The following ATP1A4 variants were observed in gnomAD, a reference collection of about 807,000 sequenced individuals.
ATP1A4 encodes sodium/potassium-transporting ATPase subunit alpha-4.
Under a neutral mutation model 114.3 loss-of-function variants are expected in ATP1A4, and 90 were observed. The observed-to-expected ratio is 0.79, with a 90% CI of 0.66 to 0.94. ATP1A4 has a LOEUF of 0.94. Among genes scored for constraint, ATP1A4 ranks in the 40% least tolerant of loss-of-function variants. The probability of loss-of-function intolerance (pLI) is 0.00; values close to 1 mark genes in which losing one functional copy is unlikely to be tolerated. For synonymous variants in ATP1A4, 511 were observed against 494.1 expected, an observed-to-expected ratio of 1.03 and a Z score of -0.45; for missense variants, 1,222 against 1,313.6, an observed-to-expected ratio of 0.93 and a Z score of 1.08.
chr1:160,173,433 T>A, intron 12 of ATP1A4, 148 bp from the exon 13 acceptor site: 1 of 1,090,568 alleles, frequency 9.2e-7, no homozygotes, highest in Non-Finnish European at 1.3e-6. Flanking sequence ...AGTAGCATGG[T>A]TTTTGGTCTA....
At position 160,171,760 on chromosome 1, in the gene ATP1A4, A is replaced by G. The variant is rs757471361; in HGVS notation, c.1854+3A>G. ...AGTGTCGCAGTGCAGGAATTAAGGT[A>G]AATACTTGCCCAGACCAGGAGCCCC... On this transcript the variant is annotated splice_donor_region_variant and intron_variant, in intron 12 of 21. Transcript: ENST00000368081. The G allele has an allele frequency of 3.7e-6, 6 of 1,613,598 alleles. No individual in the cohort carries two copies. Among genetic ancestry groups the G allele is most frequent in the Non-Finnish European group, 5.1e-6 (6 of 1,179,778 alleles).
Position 160,174,260 on chromosome 1 carries a change from T to C in ATP1A4, c.2141T>C (p.Leu714Pro). Residue 714 changes from leucine to proline, a missense_variant and splice_region_variant, in exon 14 of 22, where the codon CTG becomes CCG. Physicochemically the swap from Leu to Pro is moderately conservative, Grantham distance 98. Coordinates refer to ENST00000368081, the MANE Select transcript of ATP1A4 (RefSeq NM_144699.4). ...ATCATTGTCGAGGGATGTCAGAGGCTGGTAAGGAACGAAAAGGAGCCCCAA... is the reference window on the plus strand; with the variant it reads ...ATCATTGTCGAGGGATGTCAGAGGCCGGTAAGGAACGAAAAGGAGCCCCAA... ...KLIIVEGCQR[L>P]GAVVAVTGDG... The C allele has an allele frequency of 1.2e-6, 2 of 1,614,084 alleles. No homozygotes were observed. Among genetic ancestry groups the C allele is most frequent in the Middle Eastern group, 1.7e-4 (1 of 6,060 alleles).
At position 160,174,439 on chromosome 1, in the gene ATP1A4, G is replaced by T. The variant is rs12403475; in HGVS notation, c.2143-140G>T. 3.5e-6 allele frequency: 5 copies of T among 1,431,822 alleles called. No homozygotes were observed. The East Asian group carries it at 1.2e-4, about 35-fold the overall frequency. The allele number at this position is 1,431,822 out of a possible 1,614,324, so 88.7% of individuals were successfully genotyped here. A position where few individuals can be genotyped will look rare whatever the true frequency, so the allele number is the denominator to read the frequency against. ...CCCTGAAAGTTTAAATATCTCAGGAGGAGTGGGAGAAGGACGGGAGCCCTA... is the reference window on the plus strand; with the variant it reads ...CCCTGAAAGTTTAAATATCTCAGGATGAGTGGGAGAAGGACGGGAGCCCTA... On this transcript the variant is annotated intron_variant, in intron 14 of 21. Coordinates refer to ENST00000368081, the MANE Select transcript of ATP1A4 (RefSeq NM_144699.4).
Position 160,152,085 on chromosome 1 carries a change from G to C in ATP1A4, c.45G>C (p.Gln15His). 1.2e-6 allele frequency: 2 copies of C among 1,613,966 alleles called. No homozygotes were observed. Among genetic ancestry groups the C allele is most frequent in the South Asian group, 1.1e-5 (1 of 91,066 alleles). The stretch of plus-strand genomic sequence containing the variant: ...AAGGGACAGTGGCTCCCCATGACCA[G>C]AGTCCAAGACGAAGACCTAAAAAAG... Reference protein sequence around the residue: ...GKKGTVAPHDQSPRRRPKKGL... With the variant: ...GKKGTVAPHDHSPRRRPKKGL... Residue 15 changes from glutamine (Q) to histidine (H), a missense_variant, in exon 1 of 22, where the codon CAG (glutamine) becomes CAC (histidine). Gln to His is a conservative substitution (Grantham distance 24). Coordinates refer to ENST00000368081, the MANE Select transcript of ATP1A4 (RefSeq NM_144699.4).
At chr1:160,185,027 G>T (rs1430706581) in intron 20 of ATP1A4, among the ~76,000 whole-genome samples, 1 of 152,060 alleles carries the variant, frequency 6.6e-6, no homozygotes, top group East Asian at 1.9e-4. Context: ...TCCCTCAGCG[G>T]CTCCACAAAA....
Position 160,177,652 on chromosome 1 carries a change from C to CCTGGAGGACCTGGA in ATP1A4, c.2724_2725insCTGGAGGACCTGGA (p.Gly909LeufsTer52). Reference sequence around the variant, plus strand: ...ACTTGAATGACCTGGAGGACAGCTACGGACAGCAGTGGGTGAGTAGAAGGG... The same window carrying CCTGGAGGACCTGGA: ...ACTTGAATGACCTGGAGGACAGCTACCTGGAGGACCTGGAGGACAGCAGTGGGTGAGTAGAAGGG... On this transcript the variant is annotated frameshift_variant, in exon 18 of 22. Transcript: ENST00000368081. LOFTEE classifies it high-confidence loss of function. The CCTGGAGGACCTGGA allele has an allele frequency of 6.2e-7, 1 of 1,614,106 alleles. No individual in the cohort carries two copies. The highest frequency in any genetic ancestry group is 8.5e-7 in the Non-Finnish European group (1 of 1,180,016).
intron 13 of ATP1A4, 88 bp from the exon 14 acceptor site, chr1:160,174,023 G>C: frequency 6.8e-7 from 1 of 1,466,166 alleles, no homozygotes; most frequent in East Asian, 2.3e-5. Flanking sequence ...GAAAGAAGAA[G>C]CAATGAAGCT....
At chr1:160,166,408 C>T in intron 7 of ATP1A4, 120 bp from the exon 8 acceptor site, 7 of 1,316,052 alleles carry the variant, frequency 5.3e-6, no homozygotes, top group Non-Finnish European at 7.2e-6. Flanking sequence ...TAGGTGGGAA[C>T]AAAAGGGAAG....
chr1:160,180,807 C>T (rs903689267), intron 18 of ATP1A4, among the ~76,000 whole-genome samples: 1 of 143,620 alleles, frequency 7.0e-6, no homozygotes, highest in Non-Finnish European at 1.5e-5. Flanking sequence ...CTCCGCCTCC[C>T]GGGTTCACAC....
At chr1:160,156,254 G>A in intron 4 of ATP1A4, 96 bp downstream of exon 4, 1 of 825,126 alleles carries the variant, frequency 1.2e-6, no homozygotes, top group East Asian at 2.5e-5. Context: ...CCTATGATAA[G>A]TGAGCTGAGT....
chr1:160,162,344 CAT>C (rs1652891722), intron 6 of ATP1A4, among the ~76,000 whole-genome samples: 1 of 152,186 alleles, frequency 6.6e-6, no homozygotes, highest in South Asian at 2.1e-4. Context: ...TGGCCTGCAT[CAT>C]GTGTGTGTAA....
intron 10 of ATP1A4, among the ~76,000 whole-genome samples, chr1:160,168,377 CTTTTTTT>C (rs11397218): frequency 1.0e-5 from 1 of 97,038 alleles, no homozygotes; most frequent in Non-Finnish European, 1.9e-5. Context: ...CTGCTGGTAT[CTTTTTTT>C]TTTTTTTTTT....
At chr1:160,173,057 G>A (rs1653323612) in intron 12 of ATP1A4, among the ~76,000 whole-genome samples, 1 of 152,184 alleles carries the variant, frequency 6.6e-6, no homozygotes, top group Non-Finnish European at 1.5e-5. Flanking sequence ...AAAGCACGTG[G>A]CCTGGGTATT....
At chr1:160,183,872 A>C (rs1284569873) in intron 20 of ATP1A4, among the ~76,000 whole-genome samples, 2 of 152,110 alleles carry the variant, frequency 1.3e-5, no homozygotes, top group Non-Finnish European at 2.9e-5. Flanking sequence ...CTGAGTTCAA[A>C]CATTCTGTCA....
chr1:160,176,073 G>C lies in ATP1A4; in HGVS notation c.2312-19G>C. ...TGTTCTCCCAGGGCTTCTCACAGGA[G>C]GTTGACCTTCCTCCCCAGGCCGCCT... On this transcript the variant is annotated intron_variant, in intron 15 of 21. Coordinates refer to ENST00000368081, the MANE Select transcript of ATP1A4 (RefSeq NM_144699.4). The C allele has an allele frequency of 6.2e-7, 1 of 1,613,968 alleles. No individual in the cohort carries two copies. The highest frequency in any genetic ancestry group is 8.5e-7 in the Non-Finnish European group (1 of 1,179,930).
At chr1:160,171,952 C>G (rs1653280205) in intron 12 of ATP1A4, among the ~76,000 whole-genome samples, 195 bp downstream of exon 12, 2 of 152,268 alleles carry the variant, frequency 1.3e-5, no homozygotes, top group South Asian at 4.1e-4. Context: ...ATTAGAATCA[C>G]CAGGGAGGCT....
chr1:160,176,632 A>G lies in ATP1A4; in HGVS notation c.2590+30A>G, dbSNP rs781425120. On this transcript the variant is annotated intron_variant, in intron 17 of 21. Coordinates refer to ENST00000368081, the MANE Select transcript of ATP1A4 (RefSeq NM_144699.4). ...GCCCAGAGGAATGAGGGGTGGAGGG[A>G]GCAGGGAGTGGTTTCCCCTGCCTGG... 5.6e-6 allele frequency: 9 copies of G among 1,605,000 alleles called. No homozygotes were observed. In the Admixed American group the frequency reaches 1.3e-4, roughly 24 times the overall value.
chr1:160,175,994 T>A (rs1232814457), intron 15 of ATP1A4, 98 bp from the exon 16 acceptor site: 6 of 1,280,490 alleles, frequency 4.7e-6, no homozygotes, highest in Non-Finnish European at 6.8e-6. Context: ...TTTCCTGGAC[T>A]GTGACACTTC....
chr1:160,162,958 C>A (rs934884161), intron 6 of ATP1A4, among the ~76,000 whole-genome samples: 1 of 152,152 alleles, frequency 6.6e-6, no homozygotes, highest in Admixed American at 6.5e-5. Context: ...AACTGTGAGA[C>A]CTCTTCAGAG....
Sources: gnomAD v4.1 joint callset for allele counts (sites outside exome capture counted in the v4.1 genomes callset) on GRCh38, gnomAD v4.1.1 for gene constraint, MANE v1.5 for transcripts, NCBI Gene and HGNC (gene_info 2026-07-23, HGNC 2026-07-21) for gene names.